The following ANKRD44 variants were observed in gnomAD, a reference collection of about 807,000 sequenced individuals.
The protein encoded by ANKRD44 is serine/threonine-protein phosphatase 6 regulatory ankyrin repeat subunit B.
A neutral mutation model predicts 116.0 loss-of-function variants in ANKRD44; 35 were observed. That is an observed-to-expected ratio of 0.30 (90% CI 0.23 to 0.40). The LOEUF (loss-of-function observed/expected upper bound fraction) is 0.40. ANKRD44 is among the 10% of genes least tolerant of loss of function. The pLI is 1.00. For missense variants in ANKRD44, 1,014 were observed against 1,242.6 expected (o/e 0.82, Z 2.77); for synonymous variants, 435 against 461.8 (o/e 0.94, Z 0.74).
intron 1 of ANKRD44, among the ~76,000 whole-genome samples, chr2:197,276,663 G>C (rs1043714217): frequency 6.6e-6 from 1 of 152,002 alleles, no homozygotes; most frequent in African/African-American, 2.4e-5. Context: ...ATTATAATTA[G>C]AGTATTACAT....
chr2:197,214,598 C>G (rs1000453217), intron 1 of ANKRD44, among the ~76,000 whole-genome samples: 1 of 152,148 alleles, frequency 6.6e-6, no homozygotes, highest in African/African-American at 2.4e-5. Context: ...TTTTGCTCAT[C>G]TGTATATACC....
At chr2:197,288,594 CA>C (rs2083471791) in intron 1 of ANKRD44, among the ~76,000 whole-genome samples, 1 of 151,750 alleles carries the variant, frequency 6.6e-6, no homozygotes, top group Non-Finnish European at 1.5e-5. Context: ...TGTCCATCAA[CA>C]GATGAATGGA....
chr2:197,207,630 G>A (rs965827411), intron 1 of ANKRD44, among the ~76,000 whole-genome samples: 4 of 152,144 alleles, frequency 2.6e-5, no homozygotes, highest in East Asian at 1.9e-4. Flanking sequence ...TCCTCTTCTC[G>A]TTTCTTCCTT....
chr2:197,256,182 A>C (rs2082441472), intron 1 of ANKRD44, among the ~76,000 whole-genome samples: 1 of 152,226 alleles, frequency 6.6e-6, no homozygotes, highest in Non-Finnish European at 1.5e-5. Flanking sequence ...AGACCTAAGC[A>C]ATTAAAAAGG....
intron 1 of ANKRD44, among the ~76,000 whole-genome samples, chr2:197,283,770 G>C (rs2083329858): frequency 6.6e-6 from 1 of 151,970 alleles, no homozygotes; most frequent in Non-Finnish European, 1.5e-5. Flanking sequence ...AATCATGTTT[G>C]TAGCATAAAG....
At chr2:196,985,859 G>C (rs2075832987), downstream of ANKRD44, among the ~76,000 whole-genome samples, 1 of 152,194 alleles carries the variant, frequency 6.6e-6, no homozygotes, top group South Asian at 2.1e-4. Flanking sequence ...TTTGGATGGT[G>C]AGATAGATGG....
rs3057744 is a variant in ANKRD44, at chr2:197,184,639, CAAAA to C, written c.111+2380_111+2383del. Among the ~76,000 whole-genome samples the C allele has an allele frequency of 7.8e-3, 721 of 92,276 alleles. 8 individuals are homozygous for C. Among genetic ancestry groups the C allele is most frequent in the African/African-American group, 0.022 (592 of 26,448 alleles). 60.5% of individuals were successfully genotyped at this position (92,276 alleles called of 152,430 possible). ...TGGGCAGCTGAGCGAGACTCCATCT[CAAAA>C]AAAAAAAAAAAAAAAAAAATCCTTC... On this transcript the variant is annotated intron_variant, in intron 2 of 27. Transcript: ENST00000282272.
At chr2:197,265,487 T>A (rs2082719430) in intron 1 of ANKRD44, among the ~76,000 whole-genome samples, 1 of 152,178 alleles carries the variant, frequency 6.6e-6, no homozygotes, top group Admixed American at 6.5e-5. Context: ...CCTCAAGTGA[T>A]CTGCCTGTCT....
At chr2:197,235,565 G>A (rs1001956169) in intron 1 of ANKRD44, among the ~76,000 whole-genome samples, 20 of 148,476 alleles carry the variant, frequency 1.3e-4, no homozygotes, top group African/African-American at 4.5e-4. Flanking sequence ...GCAGTGAGCC[G>A]AGATTGTTGC....
rs1415005827 is a variant in ANKRD44 at position 197,007,899 on chromosome 2, T to A, written c.2037A>T (p.Ala679=). 2 of 1,613,832 alleles carry A rather than the reference T, an allele frequency of 1.2e-6. No homozygotes were observed. Among genetic ancestry groups the A allele is most frequent in the African/African-American group, 2.7e-5 (2 of 74,936 alleles). The change falls in exon 20 of 28, where the codon GCA becomes GCT. Residue 679 remains alanine, a synonymous_variant. Transcript: ENST00000282272. ...KGQTPLMLAV[A]YGHIDAVSLL... ...ATGAAACAGCGTCAATATGTCCATA[T>A]GCTACTGCAAGCATCAGTGGTGTTC...
intron 10 of ANKRD44, among the ~76,000 whole-genome samples, chr2:197,096,799 T>A (rs1374170509): frequency 6.6e-6 from 1 of 152,132 alleles, no homozygotes; most frequent in East Asian, 1.9e-4. Flanking sequence ...TTTTGGCAAA[T>A]TTAATCTTCT....
chr2:197,202,704 G>C (rs2081120242), intron 1 of ANKRD44, among the ~76,000 whole-genome samples: 1 of 152,080 alleles, frequency 6.6e-6, no homozygotes, highest in African/African-American at 2.4e-5. Flanking sequence ...CTCCCAAATA[G>C]CTGGGACTAC....
At chr2:197,254,598 TACACACACACAC>T (rs3057783) in intron 1 of ANKRD44, among the ~76,000 whole-genome samples, 15,054 of 148,218 alleles carry the variant, frequency 0.1, 779 homozygotes, top group Middle Eastern at 0.13. Flanking sequence ...CATACATGCA[TACACACACACAC>T]ACACACACAC....
At chr2:196,983,604 C>G (rs1389249086), downstream of ANKRD44, among the ~76,000 whole-genome samples, 1 of 152,198 alleles carries the variant, frequency 6.6e-6, no homozygotes, top group East Asian at 1.9e-4. Flanking sequence ...ACTTTCAACT[C>G]AATGCAAACA....
At chr2:197,294,462 CATA>C (rs2083660680) in intron 1 of ANKRD44, among the ~76,000 whole-genome samples, 2 of 152,064 alleles carry the variant, frequency 1.3e-5, no homozygotes, top group Non-Finnish European at 2.9e-5. Flanking sequence ...GGAGGAGTTT[CATA>C]ATAACTCAAA....
intron 27 of ANKRD44, chr2:196,990,239 T>G: frequency 1.0e-6 from 1 of 986,674 alleles, no homozygotes. Context: ...AACATCAAAG[T>G]GAGAAGAAGT....
At chr2:197,101,979 C>A (rs1349201698) in intron 9 of ANKRD44, among the ~76,000 whole-genome samples, 1 of 152,014 alleles carries the variant, frequency 6.6e-6, no homozygotes, top group Admixed American at 6.6e-5. Flanking sequence ...ATCCCTTCCT[C>A]TTCATCCTCA....
chr2:197,068,240 T>C (rs1232201819), intron 16 of ANKRD44, among the ~76,000 whole-genome samples: 1 of 121,870 alleles, frequency 8.2e-6, no homozygotes, highest in Non-Finnish European at 1.7e-5. Context: ...AGGGATAGCA[T>C]TGGGAGATAT....
chr2:196,989,632 G>T lies in ANKRD44; in HGVS notation c.2941C>A (p.Pro981Thr). The change falls in exon 28 of 28, where the codon CCC becomes ACC. Residue 981 changes from proline (P) to threonine (T), a missense_variant. Transcript: ENST00000282272. ...ACAGCGGTTCCAGGTGTGGAACGGG[G>T]TCCATTTGACCTAGAAGCTTTGGCA... ...VDENASRSNG[P>T]RSTPGTAVQK... 1 of 1,550,270 alleles carries T rather than the reference G, an allele frequency of 6.5e-7. No individual in the cohort carries two copies. The highest frequency in any genetic ancestry group is 8.7e-7 in the Non-Finnish European group (1 of 1,146,834).
Sources: allele counts gnomAD v4.1 joint callset (sites outside exome capture counted in the v4.1 genomes callset), GRCh38; gene constraint gnomAD v4.1.1; transcripts MANE v1.5; gene names NCBI Gene and HGNC (gene_info 2026-07-23, HGNC 2026-07-21).